UNC45B: variants seen among roughly 807,000 people sequenced by gnomAD.
The protein encoded by UNC45B is unc-45 myosin chaperone B, also known as protein unc-45 homolog B.
In UNC45B, 78 loss-of-function variants were observed where a neutral mutation model predicts 98.7. The ratio of observed to expected loss-of-function variants is 0.79; its 90% CI spans 0.66 to 0.95. The LOEUF is 0.95. Ranked by LOEUF, UNC45B falls within the 40% of genes least tolerant of loss-of-function variation. The pLI is 0.00. For synonymous variants in UNC45B, 462 were observed against 480.4 expected (o/e 0.96, Z 0.50); for missense variants, 1,225 against 1,184.9 (o/e 1.03, Z -0.50).
chr17:35,171,567 T>A, intron 13 of UNC45B, 105 bp downstream of exon 13: 4 of 1,415,908 alleles, frequency 2.8e-6, no homozygotes, highest in Non-Finnish European at 3.8e-6. Flanking sequence ...GGTGTGTGTT[T>A]GGGTGGTTGG....
Position 35,186,740 on chromosome 17 carries a change from G to T in UNC45B, c.*181G>T. ...CTTCTCCTTTGTCCTGACAGAGTTTGGATGTTTCACTCTCTCTCTTGCTTC... is the reference window on the plus strand; with the variant it reads ...CTTCTCCTTTGTCCTGACAGAGTTTTGATGTTTCACTCTCTCTCTTGCTTC... On this transcript the variant is annotated 3_prime_UTR_variant, in exon 20 of 20. Coordinates refer to ENST00000394570, the MANE Select transcript of UNC45B (RefSeq NM_001267052.2). The T allele has an allele frequency of 1.1e-5, 7 of 633,146 alleles. No homozygotes were observed. The highest frequency in any genetic ancestry group is 7.8e-5 in the South Asian group (3 of 38,262). The allele number at this position is 633,146 out of a possible 1,614,324, so 39.2% of individuals were successfully genotyped here.
rs532906920 is a variant in UNC45B at position 35,174,639 on chromosome 17, T to C, written c.1958+270T>C. On this transcript the variant is annotated intron_variant, in intron 14 of 19. Transcript: ENST00000394570. ...ATTCAAGACTAGCTTGGGAAACATA[T>C]TGAGACCCCATCTGTACAAAAAAAT... Among the ~76,000 whole-genome samples the C allele has an allele frequency of 1.1e-4, 17 of 152,034 alleles. No homozygotes were observed. In the South Asian group the frequency reaches 3.1e-3, roughly 28 times the overall value.
In UNC45B at chr17:35,176,631, G is replaced by C. The variant is rs148384991; in HGVS notation, c.2026-386G>C. On this transcript the variant is annotated intron_variant, in intron 15 of 19. Transcript: ENST00000394570. ...GGAGGAGGAGGTTGCAATGAGCCGA[G>C]ATCATGCCATTGCAGTCCAGCCTGG... Among the ~76,000 whole-genome samples the C allele has an allele frequency of 6.6e-3, 1,003 of 152,292 alleles. 11 individuals are homozygous for C. Among genetic ancestry groups the C allele is most frequent in the African/African-American group, 0.023 (964 of 41,548 alleles).
At chr17:35,157,122 A>G (rs1303694138) in intron 7 of UNC45B, among the ~76,000 whole-genome samples, 1 of 152,180 alleles carries the variant, frequency 6.6e-6, no homozygotes, top group Non-Finnish European at 1.5e-5. Context: ...TTATTCATCA[A>G]TCAGCTCTAT....
intron 9 of UNC45B, among the ~76,000 whole-genome samples, chr17:35,166,503 G>A (rs1454267764): frequency 6.6e-6 from 1 of 152,104 alleles, no homozygotes; most frequent in Non-Finnish European, 1.5e-5. Context: ...TGTTGATTGA[G>A]GCTCCCTCCT....
chr17:35,155,839 G>A (rs955720437), intron 7 of UNC45B, among the ~76,000 whole-genome samples: 1 of 152,150 alleles, frequency 6.6e-6, no homozygotes, highest in Non-Finnish European at 1.5e-5. Context: ...CAAAGTGCTA[G>A]GATTACAGGC....
In UNC45B at chr17:35,150,126, A is replaced by T; in HGVS notation, c.284A>T (p.Gln95Leu). Residue 95 changes from glutamine (Q) to leucine (L), a missense_variant, in exon 4 of 20, where the codon CAG becomes CTG. By Grantham distance (113) the Gln-to-Leu change is moderately radical. Coordinates refer to ENST00000394570, the MANE Select transcript of UNC45B (RefSeq NM_001267052.2). ...QALEHLGKLD[Q>L]AFKDVQRCAT... ...CTGGAGCACCTGGGGAAGCTGGACC[A>T]GGCCTTCAAAGACGTGCAGCGTTGT... is the stretch of plus-strand genomic sequence containing the variant. 1.2e-6 allele frequency: 2 copies of T among 1,613,838 alleles called. No homozygotes were observed. The highest frequency in any genetic ancestry group is 1.7e-6 in the Non-Finnish European group (2 of 1,179,856).
Position 35,187,627 on chromosome 17 carries a change from T to C in UNC45B, c.*1068T>C, listed in dbSNP as rs916134935. 6.6e-6 allele frequency: 1 copy of C among 152,212 alleles called. No individual in the cohort carries two copies. Among genetic ancestry groups the C allele is most frequent in the African/African-American group, 2.4e-5 (1 of 41,458 alleles). The allele number at this position is 152,212 out of a possible 1,614,324, so 9.4% of individuals were successfully genotyped here. A position where few individuals can be genotyped will look rare whatever the true frequency, so the allele number is the denominator to read the frequency against. Reference sequence around the variant, plus strand: ...ATACAAGTCTAGGGAAGAAATGAGCTTCATCCCTGTCCAATTGACATGGAC... The same window carrying C: ...ATACAAGTCTAGGGAAGAAATGAGCCTCATCCCTGTCCAATTGACATGGAC... On this transcript the variant is annotated 3_prime_UTR_variant, in exon 20 of 20. Transcript: ENST00000394570.
rs944867177 is a variant in UNC45B, at chr17:35,183,813, C to T, written c.2529+231C>T. Among the ~76,000 whole-genome samples the T allele has an allele frequency of 5.3e-5, 8 of 152,220 alleles. No individual in the cohort carries two copies. In the East Asian group the frequency reaches 1.5e-3, roughly 29 times the overall value. On this transcript the variant is annotated intron_variant, in intron 19 of 19. Transcript: ENST00000394570. ...AGCTCAAACCCTCCCACTGGAGTTT[C>T]ACCCATTACCTTTAGTGGTGCATAT...
Position 35,170,265 on chromosome 17 carries a change from G to A in UNC45B, c.1689+10G>A, listed in dbSNP as rs746493547. ...GTTTGAGCTGGCCAAGGCAGGTGTC[G>A]GGGAGTCTGGCCCGACCACAAACCT... On this transcript the variant is annotated intron_variant, in intron 12 of 19. Transcript: ENST00000394570. The A allele has an allele frequency of 1.2e-5, 19 of 1,597,154 alleles. No homozygotes were observed. Among genetic ancestry groups the A allele is most frequent in the East Asian group, 6.7e-5 (3 of 44,558 alleles).
Position 35,148,284 on chromosome 17 carries a change from A to G in UNC45B, c.21A>G (p.Val7=). 6.2e-7 allele frequency: 1 copy of G among 1,613,316 alleles called. No individual in the cohort carries two copies. Among genetic ancestry groups the G allele is most frequent in the African/African-American group, 1.3e-5 (1 of 75,034 alleles). The part of the protein sequence containing the change: MAEVEA[V]QLKEEGNRHF... ...AGCAGATGGCAGAGGTGGAAGCGGT[A>G]CAGCTGAAGGAGGAAGGAAACCGGC... Residue 7 remains valine, a synonymous_variant, in exon 2 of 20, where the codon GTA becomes GTG. Transcript: ENST00000394570.
intron 14 of UNC45B, among the ~76,000 whole-genome samples, chr17:35,174,784 C>T (rs1428489911): frequency 6.6e-6 from 1 of 151,518 alleles, no homozygotes; most frequent in African/African-American, 2.4e-5. Context: ...GGTGCTACTG[C>T]ACTCCAGCCT....
intron 10 of UNC45B, among the ~76,000 whole-genome samples, chr17:35,169,631 G>T (rs1162410795): frequency 6.6e-6 from 1 of 152,106 alleles, no homozygotes; most frequent in African/African-American, 2.4e-5. Flanking sequence ...AACTTTATGG[G>T]CCTCTACCCT....
chr17:35,178,638 C>T (rs79670033), intron 17 of UNC45B, among the ~76,000 whole-genome samples: 11 of 152,100 alleles, frequency 7.2e-5, no homozygotes, highest in Non-Finnish European at 1.5e-4. Flanking sequence ...AATGGTATTG[C>T]CTAGGTTTTC....
intron 5 of UNC45B, 97 bp from the exon 6 acceptor site, chr17:35,154,477 T>A: frequency 9.1e-7 from 1 of 1,099,710 alleles, no homozygotes; most frequent in Admixed American, 2.7e-5. Context: ...GTTCTGAAGA[T>A]CCAGTCTTTG....
At chr17:35,152,532 T>A (rs916362232) in intron 4 of UNC45B, among the ~76,000 whole-genome samples, 12 of 152,214 alleles carry the variant, frequency 7.9e-5, no homozygotes, top group African/African-American at 2.9e-4. Context: ...GGATTCTGAG[T>A]ATGGAGACAT....
At chr17:35,165,721 T>C (rs1567760250) in intron 9 of UNC45B, among the ~76,000 whole-genome samples, 1 of 152,160 alleles carries the variant, frequency 6.6e-6, no homozygotes, top group Non-Finnish European at 1.5e-5. Context: ...GCGGATCACC[T>C]GAGGTCAGGA....
chr17:35,179,739 C>T (rs985576442), intron 17 of UNC45B, among the ~76,000 whole-genome samples: 120 of 148,336 alleles, frequency 8.1e-4, no homozygotes, highest in Non-Finnish European at 2.7e-4. Flanking sequence ...CATCACACAC[C>T]GGGGCCTGTT....
chr17:35,177,120 C>T lies in UNC45B; in HGVS notation c.2129C>T (p.Pro710Leu). The T allele has an allele frequency of 1.2e-6, 2 of 1,614,062 alleles. No individual in the cohort carries two copies. Among genetic ancestry groups the T allele is most frequent in the Non-Finnish European group, 1.7e-6 (2 of 1,179,976 alleles). Reference protein sequence around the residue: ...AAVSNPDIAFPGERVYEVVRP... With the variant: ...AAVSNPDIAFLGERVYEVVRP... ...GTCTCCAATCCGGACATTGCTTTTC[C>T]TGGGGAGCGGGTAGGTGCTTGGGTA... The change falls in exon 16 of 20, where the codon CCT (proline) becomes CTT (leucine). Residue 710 changes from proline to leucine, a missense_variant. Transcript: ENST00000394570.
Sources: allele counts gnomAD v4.1 joint callset (sites outside exome capture counted in the v4.1 genomes callset), GRCh38; gene constraint gnomAD v4.1.1; transcripts MANE v1.5; gene names NCBI Gene and HGNC (gene_info 2026-07-23, HGNC 2026-07-21).